The following SEMA3A variants were observed in gnomAD, a reference collection of about 807,000 sequenced individuals.
The protein encoded by SEMA3A is semaphorin 3A.
SEMA3A carries 29 observed loss-of-function variants against 97.9 expected under a neutral mutation model. The observed-to-expected ratio is 0.30, with a 90% CI of 0.22 to 0.40. The LOEUF (loss-of-function observed/expected upper bound fraction) is 0.40, where lower values mean the gene tolerates loss of function less well. Ranked by LOEUF, SEMA3A falls within the 10% of genes least tolerant of loss-of-function variation. The pLI, the probability that SEMA3A is intolerant of heterozygous loss-of-function variation, is 1.00. For synonymous variants in SEMA3A, 321 were observed against 323.7 expected (o/e 0.99, Z 0.09); for missense variants, 763 against 951.3 (o/e 0.80, Z 2.60).
chr7:83,973,745 T>C (rs1318387172), intron 15 of SEMA3A, among the ~76,000 whole-genome samples: 1 of 152,120 alleles, frequency 6.6e-6, no homozygotes, highest in Non-Finnish European at 1.5e-5. Context: ...TGTGGACATA[T>C]TACTGTGAGG....
At chr7:84,341,169 G>C (rs931842155) in intron 2 of SEMA3A, among the ~76,000 whole-genome samples, 2 of 152,144 alleles carry the variant, frequency 1.3e-5, no homozygotes, top group African/African-American at 4.8e-5. Flanking sequence ...ATGTAGACAT[G>C]ATTTGCCACA....
intron 3 of SEMA3A, among the ~76,000 whole-genome samples, chr7:84,216,081 T>G (rs1348855146): frequency 2.0e-5 from 3 of 152,168 alleles, no homozygotes; most frequent in Non-Finnish European, 2.9e-5. Context: ...CCTTCAGAAT[T>G]TTTTTATTGA....
chr7:84,424,983 ATAAT>A (rs1166820775), intron 1 of SEMA3A, among the ~76,000 whole-genome samples: 45 of 103,528 alleles, frequency 4.3e-4, no homozygotes, highest in African/African-American at 1.7e-3. Context: ...TTTATAATTT[ATAAT>A]TATATTTTTA....
rs1028088627 is a variant in SEMA3A, at chr7:84,051,835, T to C, written c.548-5392A>G. Reference sequence around the variant, plus strand: ...CAGTTTTTGCACATTCAGTATGATATTGGCTGTGGGTTTGTCATAGATAGC... The same window carrying C: ...CAGTTTTTGCACATTCAGTATGATACTGGCTGTGGGTTTGTCATAGATAGC... On this transcript the variant is annotated intron_variant, in intron 5 of 16. Coordinates refer to ENST00000265362, the MANE Select transcript of SEMA3A (RefSeq NM_006080.3). Among the ~76,000 whole-genome samples, 422 of 151,688 alleles carry C rather than the reference T, an allele frequency of 2.8e-3. 2 individuals carry two copies. The highest frequency in any genetic ancestry group is 9.5e-3 in the African/African-American group (394 of 41,438).
chr7:83,960,415 TA>T lies in SEMA3A; in HGVS notation c.*955del, dbSNP rs1253090292. The stretch of plus-strand genomic sequence containing the variant: ...TTTTTTTCTAAGAACATTATGCAAG[TA>T]AAAATTAATTTAGATAATGCTTAAA... On this transcript the variant is annotated 3_prime_UTR_variant, in exon 17 of 17. Transcript: ENST00000265362. The T allele has an allele frequency of 6.6e-6, 1 of 152,172 alleles. No individual in the cohort carries two copies. The highest frequency in any genetic ancestry group is 1.9e-4 in the East Asian group (1 of 5,178). The allele number at this position is 152,172 out of a possible 1,614,324, so 9.4% of individuals were successfully genotyped here. A position where few individuals can be genotyped will look rare whatever the true frequency, so the allele number is the denominator to read the frequency against.
intron 1 of SEMA3A, among the ~76,000 whole-genome samples, chr7:84,387,010 AAT>A (rs1803415995): frequency 2.1e-5 from 1 of 47,710 alleles, no homozygotes; most frequent in African/African-American, 1.8e-4. Flanking sequence ...AAAAAAAGAA[AAT>A]AATAATAATA....
chr7:84,084,534 T>G (rs1794270160), intron 4 of SEMA3A, among the ~76,000 whole-genome samples: 1 of 122,282 alleles, frequency 8.2e-6, no homozygotes, highest in African/African-American at 4.2e-5. Context: ...TGAGAATAAA[T>G]GAAAAAAAAA....
chr7:84,215,058 A>C (rs993659404), intron 3 of SEMA3A, among the ~76,000 whole-genome samples: 7 of 152,008 alleles, frequency 4.6e-5, no homozygotes, highest in African/African-American at 1.7e-4. Flanking sequence ...TTTTTAGTAG[A>C]GACAGGGTTT....
At chr7:84,012,570 A>G (rs2116416805) in intron 7 of SEMA3A, among the ~76,000 whole-genome samples, 1 of 152,328 alleles carries the variant, frequency 6.6e-6, no homozygotes, top group Non-Finnish European at 1.5e-5. Context: ...ACACATACAA[A>G]AAATAGATCT....
At chr7:84,401,415 G>A (rs1242233965) in intron 1 of SEMA3A, among the ~76,000 whole-genome samples, 3 of 150,322 alleles carry the variant, frequency 2.0e-5, no homozygotes. Context: ...GTGTTAAAAT[G>A]TTGATGATAC....
rs1348789563 is a variant in SEMA3A, at chr7:83,959,964, G to A, written c.*1407C>T. On this transcript the variant is annotated 3_prime_UTR_variant, in exon 17 of 17. Transcript: ENST00000265362. ...ACAAAGAATTTTACATTGTTTAAATGTGGGTTGCATCCTGGAAAATACTTT... is the reference window on the plus strand; with the variant it reads ...ACAAAGAATTTTACATTGTTTAAATATGGGTTGCATCCTGGAAAATACTTT... The A allele has an allele frequency of 1.3e-5, 2 of 152,056 alleles. No homozygotes were observed. Among genetic ancestry groups the A allele is most frequent in the African/African-American group, 2.4e-5 (1 of 41,440 alleles). The allele number at this position is 152,056 out of a possible 1,614,324, so 9.4% of individuals were successfully genotyped here. A position where few individuals can be genotyped will look rare whatever the true frequency, so the allele number is the denominator to read the frequency against.
intron 3 of SEMA3A, among the ~76,000 whole-genome samples, chr7:84,243,117 G>A (rs987691665): frequency 2.6e-5 from 4 of 151,978 alleles, no homozygotes; most frequent in Non-Finnish European, 2.9e-5. Context: ...TTCTTTTTTT[G>A]TTGTGTCTCT....
At chr7:84,459,393 A>G (rs186781252) in intron 1 of SEMA3A, among the ~76,000 whole-genome samples, 1 of 152,332 alleles carries the variant, frequency 6.6e-6, no homozygotes, top group East Asian at 1.9e-4. Flanking sequence ...TAATACACCA[A>G]AAGTAGTAAC....
chr7:84,460,000 G>A lies in SEMA3A; in HGVS notation c.-246+32460C>T, dbSNP rs2527540. Among the ~76,000 whole-genome samples the A allele has an allele frequency of 4.6e-5, 7 of 151,900 alleles. No homozygotes were observed. The South Asian group carries it at 1.0e-3, about 22-fold the overall frequency. On this transcript the variant is annotated intron_variant, in intron 1 of 3. Coordinates refer to the SEMA3A transcript ENST00000424555. ...TGAGATAGCATCACTGCATTGCAGC[G>A]GAGGAGATACAGTGAGATGTTGTCT...
chr7:84,363,497 C>G (rs1259296162), intron 2 of SEMA3A, among the ~76,000 whole-genome samples: 1 of 151,916 alleles, frequency 6.6e-6, no homozygotes. Flanking sequence ...TTCTTTAGAT[C>G]TATATCTATC....
intron 3 of SEMA3A, among the ~76,000 whole-genome samples, chr7:84,254,695 A>T (rs936228045): frequency 2.0e-5 from 3 of 152,176 alleles, no homozygotes; most frequent in Admixed American, 6.5e-5. Flanking sequence ...GCACATATTT[A>T]CAAAATGGAC....
chr7:84,391,868 G>A (rs566121255), intron 1 of SEMA3A, among the ~76,000 whole-genome samples: 68 of 151,678 alleles, frequency 4.5e-4, no homozygotes, highest in African/African-American at 1.5e-3. Flanking sequence ...AGCTACTTGG[G>A]AGGCTGAGGT....
intron 2 of SEMA3A, among the ~76,000 whole-genome samples, chr7:84,316,537 A>C (rs1260020651): frequency 6.6e-6 from 1 of 152,126 alleles, no homozygotes. Flanking sequence ...TCCACCATTA[A>C]CAAGATAAAA....
At chr7:84,219,829 C>T (rs73712709) in intron 3 of SEMA3A, among the ~76,000 whole-genome samples, 2,651 of 152,230 alleles carry the variant, frequency 0.017, 78 homozygotes, top group African/African-American at 0.061. Context: ...AAAATGGCTG[C>T]TTTTCTAAAC....
Sources: allele counts gnomAD v4.1 joint callset (sites outside exome capture counted in the v4.1 genomes callset), GRCh38; gene constraint gnomAD v4.1.1; transcripts MANE v1.5; gene names NCBI Gene and HGNC (gene_info 2026-07-23, HGNC 2026-07-21).